WWC2: variants seen among roughly 807,000 people sequenced by gnomAD.
The protein encoded by WWC2 is WW and C2 domain containing 2, also known as protein WWC2.
Under a neutral mutation model 138.5 loss-of-function variants are expected in WWC2, and 101 were observed. The ratio of observed to expected loss-of-function variants is 0.73; its 90% CI spans 0.62 to 0.86. The LOEUF (loss-of-function observed/expected upper bound fraction) is 0.86. Ranked by LOEUF, WWC2 falls within the 40% of genes least tolerant of loss-of-function variation. The pLI, the probability that WWC2 is intolerant of heterozygous loss-of-function variation, is 0.00. For synonymous variants in WWC2, 558 were observed against 538.4 expected (o/e 1.04, Z -0.50); for missense variants, 1,420 against 1,419.4 (o/e 1.00, Z -0.01).
intron 1 of WWC2, among the ~76,000 whole-genome samples, chr4:183,113,513 T>TGCGC (rs755776067): frequency 0.011 from 1,235 of 112,138 alleles, 10 homozygotes; most frequent in Non-Finnish European, 0.019. Flanking sequence ...TGTGTGTGTG[T>TGCGC]GTGCGCGCGC....
chr4:183,125,513 C>T (rs1245128752), intron 1 of WWC2, among the ~76,000 whole-genome samples: 1 of 152,114 alleles, frequency 6.6e-6, no homozygotes, highest in African/African-American at 2.4e-5. Context: ...CAGTTGTGTA[C>T]GTGTTCCGTT....
At chr4:183,273,581 G>T (rs935936784) in intron 16 of WWC2, among the ~76,000 whole-genome samples, 5 of 152,172 alleles carry the variant, frequency 3.3e-5, no homozygotes, top group African/African-American at 1.2e-4. Context: ...GGGATTACAG[G>T]CGTGAGCCAC....
chr4:183,131,468 T>A (rs747144904), intron 1 of WWC2, among the ~76,000 whole-genome samples: 1 of 152,144 alleles, frequency 6.6e-6, no homozygotes, highest in Non-Finnish European at 1.5e-5. Context: ...TATAGGCCAT[T>A]CGTTTACCTT....
Position 183,131,575 on chromosome 4 carries a change from G to A in WWC2, c.131+31953G>A, listed in dbSNP as rs1293934628. Among the ~76,000 whole-genome samples the A allele has an allele frequency of 2.6e-5, 4 of 152,184 alleles. No homozygotes were observed. In the East Asian group the frequency reaches 5.8e-4, roughly 22 times the overall value. On this transcript the variant is annotated intron_variant, in intron 1 of 22. Transcript: ENST00000403733. Reference sequence around the variant, plus strand: ...TTATTGATTGTTACAAGTTCCTTAAGTATTTTAGAAGCAAATCTTTGTTCT... The same window carrying A: ...TTATTGATTGTTACAAGTTCCTTAAATATTTTAGAAGCAAATCTTTGTTCT...
intron 1 of WWC2, 143 bp downstream of exon 1, chr4:183,099,765 C>T (rs995003784): frequency 6.6e-6 from 6 of 906,010 alleles, no homozygotes; most frequent in Non-Finnish European, 8.3e-6. Context: ...GCTGCTCCGG[C>T]GGGGCCGAGG....
At chr4:183,311,866 C>T (rs1207172176) in intron 21 of WWC2, among the ~76,000 whole-genome samples, 1 of 151,958 alleles carries the variant, frequency 6.6e-6, no homozygotes, top group African/African-American at 2.4e-5. Flanking sequence ...AGTGAGCCAC[C>T]GCACCCGGCA....
At chr4:183,170,150 C>T (rs1288884087) in intron 1 of WWC2, among the ~76,000 whole-genome samples, 2 of 152,118 alleles carry the variant, frequency 1.3e-5, no homozygotes, top group African/African-American at 2.4e-5. Flanking sequence ...TAAAAAGACA[C>T]GAACATTAGA....
chr4:183,246,742 A>C (rs561441017), intron 6 of WWC2, among the ~76,000 whole-genome samples: 1 of 152,368 alleles, frequency 6.6e-6, no homozygotes, highest in African/African-American at 2.4e-5. Context: ...AAACCCAGGC[A>C]GTCTGGGTTA....
chr4:183,314,778 C>G (rs1560901568), intron 22 of WWC2, among the ~76,000 whole-genome samples: 1 of 152,214 alleles, frequency 6.6e-6, no homozygotes, highest in Non-Finnish European at 1.5e-5. Context: ...TCTTGTTTTC[C>G]TCTTATGAAT....
At chr4:183,169,781 GC>G (rs1015373012) in intron 1 of WWC2, among the ~76,000 whole-genome samples, 31 of 152,252 alleles carry the variant, frequency 2.0e-4, no homozygotes, top group African/African-American at 5.5e-4. Context: ...GCATTAAAGT[GC>G]TACAAGTTCC....
chr4:183,315,608 C>G, intron 22 of WWC2, 55 bp from the exon 23 acceptor site: 1 of 1,448,866 alleles, frequency 6.9e-7, no homozygotes, highest in African/African-American at 1.4e-5. Flanking sequence ...TTTAATGGTC[C>G]CAGAGTATTT....
intron 16 of WWC2, among the ~76,000 whole-genome samples, chr4:183,273,569 C>CTGG (rs1737764458): frequency 6.6e-6 from 1 of 152,148 alleles, no homozygotes; most frequent in African/African-American, 2.4e-5. Flanking sequence ...TCCCAAAGTG[C>CTGG]TGGGATTACA....
Position 183,265,705 on chromosome 4 carries a change from A to ATT in WWC2, c.2058_2059insTT (p.Val687LeufsTer9). On this transcript the variant is annotated frameshift_variant, in exon 13 of 23. Coordinates refer to ENST00000403733, the MANE Select transcript of WWC2 (RefSeq NM_024949.6). LOFTEE classifies it high-confidence loss of function. ...CCATATAGACCTAGTGAAATGGAAGATGTCACATACAGTGAAGAGGATGTA... is the reference window on the plus strand; with the variant it reads ...CCATATAGACCTAGTGAAATGGAAGATTTGTCACATACAGTGAAGAGGATGTA... The ATT allele has an allele frequency of 6.2e-7, 1 of 1,611,346 alleles. No homozygotes were observed. The highest frequency in any genetic ancestry group is 8.5e-7 in the Non-Finnish European group (1 of 1,178,820).
At chr4:183,189,601 T>C (rs1734932566) in intron 1 of WWC2, among the ~76,000 whole-genome samples, 1 of 152,210 alleles carries the variant, frequency 6.6e-6, no homozygotes, top group Non-Finnish European at 1.5e-5. Flanking sequence ...AATTCAGTGA[T>C]GTTTCTGTGA....
At position 183,269,701 on chromosome 4, in the gene WWC2, T is replaced by C. The variant is rs557330858; in HGVS notation, c.2400+538T>C. The C allele has an allele frequency of 2.8e-5, 10 of 353,350 alleles. No homozygotes were observed. The East Asian group carries it at 7.4e-4, about 26-fold the overall frequency. 21.9% of individuals were successfully genotyped at this position (353,350 alleles called of 1,614,324 possible). ...CATAATTCACTGTTACAAATTAAAATTAAGCAAGACCACTGAGTACTATAT... is the reference window on the plus strand; with the variant it reads ...CATAATTCACTGTTACAAATTAAAACTAAGCAAGACCACTGAGTACTATAT... On this transcript the variant is annotated intron_variant, in intron 15 of 22. Transcript: ENST00000403733.
At chr4:183,124,671 C>G (rs1479815563) in intron 1 of WWC2, among the ~76,000 whole-genome samples, 14 of 150,790 alleles carry the variant, frequency 9.3e-5, no homozygotes, top group African/African-American at 3.2e-4. Context: ...CTCACTGCAA[C>G]CTCCGCCTCC....
At chr4:183,297,637 T>C (rs1365928759) in intron 21 of WWC2, among the ~76,000 whole-genome samples, 2 of 152,172 alleles carry the variant, frequency 1.3e-5, no homozygotes, top group Non-Finnish European at 2.9e-5. Flanking sequence ...CTTGAACTCC[T>C]GACCTCAGGT....
intron 1 of WWC2, among the ~76,000 whole-genome samples, chr4:183,184,292 G>A (rs1734730747): frequency 6.6e-6 from 1 of 152,116 alleles, no homozygotes; most frequent in Non-Finnish European, 1.5e-5. Context: ...CATCCATATT[G>A]TAGCATGTAT....
Position 183,204,660 on chromosome 4 carries a change from A to G in WWC2, c.242-3293A>G, listed in dbSNP as rs562200237. On this transcript the variant is annotated intron_variant, in intron 2 of 22. Coordinates refer to ENST00000403733, the MANE Select transcript of WWC2 (RefSeq NM_024949.6). Reference sequence around the variant, plus strand: ...TACATAAATTGCATCTATTTTCACTATACAATTCATGAGTTTTGACAGGTG... The same window carrying G: ...TACATAAATTGCATCTATTTTCACTGTACAATTCATGAGTTTTGACAGGTG... Among the ~76,000 whole-genome samples, 4 of 152,316 alleles carry G rather than the reference A, an allele frequency of 2.6e-5. No homozygotes were observed. In the South Asian group the frequency reaches 6.2e-4, roughly 24 times the overall value.
Sources: gnomAD v4.1 joint callset for allele counts (sites outside exome capture counted in the v4.1 genomes callset) on GRCh38, gnomAD v4.1.1 for gene constraint, MANE v1.5 for transcripts, NCBI Gene and HGNC (gene_info 2026-07-23, HGNC 2026-07-21) for gene names.